The following WWP2 variants were observed in gnomAD, a reference collection of about 807,000 sequenced individuals.
The protein encoded by WWP2 is NEDD4-like E3 ubiquitin-protein ligase WWP2.
WWP2 carries 57 observed loss-of-function variants against 121.0 expected under a neutral mutation model. The ratio of observed to expected loss-of-function variants is 0.47; its 90% CI spans 0.38 to 0.59. The LOEUF is 0.59. WWP2 is among the 20% of genes least tolerant of loss of function. The pLI is 0.00. For missense variants in WWP2, 962 were observed against 1,158.9 expected (o/e 0.83, Z 2.47); for synonymous variants, 449 against 441.3 (o/e 1.02, Z -0.22).
intron 1 of WWP2, among the ~76,000 whole-genome samples, chr16:69,772,332 GTCC>G (rs2055435392): frequency 6.6e-6 from 1 of 152,092 alleles, no homozygotes; most frequent in African/African-American, 2.4e-5. Flanking sequence ...GCTTTTGCCA[GTCC>G]TCCTGTTTTT....
intron 10 of WWP2, among the ~76,000 whole-genome samples, chr16:69,920,010 G>A (rs1028749176): frequency 1.3e-5 from 2 of 151,990 alleles, no homozygotes; most frequent in African/African-American, 4.8e-5. Context: ...GCCCAGGCTG[G>A]TCTTGAACTC....
chr16:69,767,423 T>C (rs1458358985), intron 1 of WWP2, among the ~76,000 whole-genome samples: 1 of 152,172 alleles, frequency 6.6e-6, no homozygotes, highest in East Asian at 1.9e-4. Flanking sequence ...CCACTTATCA[T>C]TAGTGAGATG....
At chr16:69,763,732 T>A (rs757653786) in intron 1 of WWP2, among the ~76,000 whole-genome samples, 1 of 152,218 alleles carries the variant, frequency 6.6e-6, no homozygotes, top group Non-Finnish European at 1.5e-5. Context: ...TGCAAATCCT[T>A]CAAGGGCAGG....
At chr16:69,767,943 T>A (rs769335447) in intron 1 of WWP2, among the ~76,000 whole-genome samples, 2 of 152,182 alleles carry the variant, frequency 1.3e-5, no homozygotes, top group Non-Finnish European at 2.9e-5. Context: ...GCTCAAGTGA[T>A]CCTCCCATCT....
chr16:69,917,987 C>A (rs1028454293), intron 10 of WWP2, 104 bp downstream of exon 10: 1 of 1,374,014 alleles, frequency 7.3e-7, no homozygotes, highest in Non-Finnish European at 9.8e-7. Flanking sequence ...GGGAAAACAG[C>A]GTCTGGCAAC....
chr16:69,800,548 A>G (rs916331127), intron 4 of WWP2, among the ~76,000 whole-genome samples: 2 of 148,316 alleles, frequency 1.3e-5, no homozygotes, highest in East Asian at 4.0e-4. Flanking sequence ...CACAGCACCT[A>G]GTAATAGTTA....
At chr16:69,926,465 G>T (rs1052066555) in intron 11 of WWP2, among the ~76,000 whole-genome samples, 14 of 152,190 alleles carry the variant, frequency 9.2e-5, no homozygotes, top group Non-Finnish European at 1.5e-5. Context: ...TGGGAAGTTG[G>T]CAGTGATAGG....
intron 6 of WWP2, among the ~76,000 whole-genome samples, chr16:69,867,846 A>G (rs536290324): frequency 1.3e-5 from 2 of 152,078 alleles, no homozygotes; most frequent in East Asian, 3.9e-4. Context: ...CTCCCCCTAA[A>G]TGGTGAGGGG....
In WWP2 at chr16:69,940,112, T is replaced by G; in HGVS notation, c.*172T>G. On this transcript the variant is annotated 3_prime_UTR_variant, in exon 24 of 24. Coordinates refer to ENST00000359154, the MANE Select transcript of WWP2 (RefSeq NM_001270454.2). ...AGCCTGATCCCAGGAGGCCCTGCAG[T>G]TCCCCCGACCCGCGGATGGCAGTCT... 3 of 605,400 alleles carry G rather than the reference T, an allele frequency of 5.0e-6. No homozygotes were observed. Among genetic ancestry groups the G allele is most frequent in the Non-Finnish European group, 8.7e-6 (3 of 345,222 alleles). 37.5% of individuals were successfully genotyped at this position (605,400 alleles called of 1,614,324 possible). A position where few individuals can be genotyped will look rare whatever the true frequency, so the allele number is the denominator to read the frequency against.
At chr16:69,810,757 C>CTTT (rs769856069) in intron 4 of WWP2, among the ~76,000 whole-genome samples, 1 of 117,274 alleles carries the variant, frequency 8.5e-6, no homozygotes. Context: ...GAGGAATTTT[C>CTTT]TTTTTTTTTT....
intron 2 of WWP2, 103 bp from the exon 3 acceptor site, chr16:69,798,579 T>C: frequency 1.5e-6 from 2 of 1,357,112 alleles, no homozygotes; most frequent in Non-Finnish European, 2.0e-6. Context: ...TGTATTGATT[T>C]ATTTTTTAAA....
intron 7 of WWP2, among the ~76,000 whole-genome samples, chr16:69,882,874 C>T (rs966369152): frequency 6.6e-5 from 10 of 152,172 alleles, no homozygotes; most frequent in East Asian, 5.8e-4. Context: ...TACAGCAGAC[C>T]GGGTGCGGTG....
chr16:69,901,795 A>T (rs904988203), intron 8 of WWP2, among the ~76,000 whole-genome samples: 3 of 152,044 alleles, frequency 2.0e-5, no homozygotes, highest in Non-Finnish European at 2.9e-5. Flanking sequence ...CTTGAAAAGA[A>T]TTGCTGTTAG....
At chr16:69,907,437 T>C (rs1486748623) in intron 8 of WWP2, among the ~76,000 whole-genome samples, 1 of 152,206 alleles carries the variant, frequency 6.6e-6, no homozygotes, top group African/African-American at 2.4e-5. Flanking sequence ...CTGACTGTAG[T>C]AGCTTCCCAG....
chr16:69,775,974 G>A (rs1597645331), intron 1 of WWP2, among the ~76,000 whole-genome samples: 2 of 152,268 alleles, frequency 1.3e-5, no homozygotes, highest in Non-Finnish European at 2.9e-5. Flanking sequence ...TGTCTCCCCT[G>A]TTATCTTTGG....
intron 1 of WWP2, among the ~76,000 whole-genome samples, chr16:69,783,776 T>C (rs2055716331): frequency 9.6e-6 from 1 of 103,842 alleles, no homozygotes; most frequent in Non-Finnish European, 1.9e-5. Flanking sequence ...TGAGACCTTG[T>C]TTCTACAACA....
At chr16:69,888,004 A>T (rs1415298196) in intron 7 of WWP2, 35 bp from the exon 8 acceptor site, 1 of 1,606,222 alleles carries the variant, frequency 6.2e-7, no homozygotes, top group Admixed American at 1.7e-5. Context: ...TCTCATTCTT[A>T]GTTGATCTTT....
chr16:69,806,580 T>C (rs533598040), intron 4 of WWP2, among the ~76,000 whole-genome samples: 8 of 152,204 alleles, frequency 5.3e-5, no homozygotes, highest in African/African-American at 1.7e-4. Flanking sequence ...TTTTTCAGTT[T>C]TCCCCCCCAT....
At chr16:69,858,514 G>T (rs758682556) in intron 6 of WWP2, among the ~76,000 whole-genome samples, 2 of 152,074 alleles carry the variant, frequency 1.3e-5, no homozygotes, top group Non-Finnish European at 2.9e-5. Context: ...AAGAGGGGGC[G>T]CCCTTTATCA....
Sources: allele counts gnomAD v4.1 joint callset (sites outside exome capture counted in the v4.1 genomes callset), GRCh38; gene constraint gnomAD v4.1.1; transcripts MANE v1.5; gene names NCBI Gene and HGNC (gene_info 2026-07-23, HGNC 2026-07-21).